FBXL14: variants seen among roughly 807,000 people sequenced by gnomAD.
FBXL14 encodes F-box and leucine rich repeat protein 14.
A neutral mutation model predicts 24.5 loss-of-function variants in FBXL14; 11 were observed. That is an observed-to-expected ratio of 0.45 (90% CI 0.28 to 0.74). The LOEUF is 0.74. Ranked by LOEUF, FBXL14 falls within the 30% of genes least tolerant of loss-of-function variation. The pLI is 0.12. For synonymous variants in FBXL14, 294 were observed against 240.4 expected (o/e 1.22, Z -2.06); for missense variants, 384 against 545.6 (o/e 0.70, Z 2.95).
At chr12:1,592,646 C>A (rs920915706) in intron 1 of FBXL14, among the ~76,000 whole-genome samples, 3 of 152,080 alleles carry the variant, frequency 2.0e-5, no homozygotes, top group Non-Finnish European at 4.4e-5. Flanking sequence ...GGAAAAGGAG[C>A]TGGGAGTAGG....
intron 1 of FBXL14, among the ~76,000 whole-genome samples, chr12:1,589,601 A>ACT (rs1340227658): frequency 9.2e-5 from 14 of 152,276 alleles, no homozygotes; most frequent in African/African-American, 3.1e-4. Context: ...AACAGGGATA[A>ACT]TACCTGTTTC....
intron 1 of FBXL14, among the ~76,000 whole-genome samples, chr12:1,574,400 G>GA (rs2094451419): frequency 1.1e-5 from 1 of 92,064 alleles, no homozygotes; most frequent in African/African-American, 4.4e-5. Flanking sequence ...GCTGGGGTGG[G>GA]GGAGGCTGGC....
chr12:1,574,170 A>G (rs1387287583), intron 1 of FBXL14, among the ~76,000 whole-genome samples: 3 of 152,188 alleles, frequency 2.0e-5, no homozygotes, highest in Non-Finnish European at 4.4e-5. Flanking sequence ...AAGTGAGTGG[A>G]GACTTTGAAA....
intron 1 of FBXL14, among the ~76,000 whole-genome samples, chr12:1,575,321 A>G (rs1008914715): frequency 3.3e-5 from 5 of 152,334 alleles, no homozygotes; most frequent in African/African-American, 9.6e-5. Flanking sequence ...GTCTAAATCT[A>G]TCTCTATCAA....
chr12:1,584,327 G>T (rs1402613093), intron 1 of FBXL14, among the ~76,000 whole-genome samples: 1 of 152,210 alleles, frequency 6.6e-6, no homozygotes, highest in African/African-American at 2.4e-5. Context: ...CTTCAGCCTG[G>T]GTGACAGAGC....
chr12:1,571,315 T>C (rs1157624151), intron 1 of FBXL14, among the ~76,000 whole-genome samples: 3 of 152,176 alleles, frequency 2.0e-5, no homozygotes, highest in African/African-American at 7.2e-5. Context: ...TTCAAGCGAT[T>C]CTCCTGCCTC....
Position 1,566,042 on chromosome 12 carries a change from A to C in FBXL14, c.*706T>G, listed in dbSNP as rs1287073282. 3.9e-5 allele frequency: 6 copies of C among 152,684 alleles called. No individual in the cohort carries two copies. The allele number at this position is 152,684 out of a possible 1,614,324, so 9.5% of individuals were successfully genotyped here. On this transcript the variant is annotated 3_prime_UTR_variant, in exon 2 of 2. Transcript: ENST00000339235. ...TATATTCTACATTGTTCCCATTAAA[A>C]TGGAAACCCCGTGGGGAGAGGAAAT...
chr12:1,594,154 C>CAAG lies in FBXL14; in HGVS notation c.-89_-88insCTT. 1.3e-6 allele frequency: 1 copy of CAAG among 791,570 alleles called. No homozygotes were observed. Among genetic ancestry groups the CAAG allele is most frequent in the Non-Finnish European group, 1.6e-6 (1 of 626,370 alleles). 49.0% of individuals were successfully genotyped at this position (791,570 alleles called of 1,614,324 possible). A position where few individuals can be genotyped will look rare whatever the true frequency, so the allele number is the denominator to read the frequency against. On this transcript the variant is annotated 5_prime_UTR_variant, in exon 1 of 2. Transcript: ENST00000339235. ...GGGCAGGCGACGAGAGCGCTTCTCC[C>CAAG]CAGCCGCCGCCGCCGCCGCCGCCGC...
intron 1 of FBXL14, 108 bp downstream of exon 1, chr12:1,592,765 G>T: frequency 1.0e-6 from 1 of 974,300 alleles, no homozygotes; most frequent in Non-Finnish European, 1.5e-6. Context: ...CATCTCATCC[G>T]CTGCAATGAT....
At chr12:1,590,926 CCA>C (rs942030441) in intron 1 of FBXL14, among the ~76,000 whole-genome samples, 1 of 152,162 alleles carries the variant, frequency 6.6e-6, no homozygotes, top group African/African-American at 2.4e-5. Flanking sequence ...CTCCCCACAC[CCA>C]CTCTCAGGGT....
intron 1 of FBXL14, among the ~76,000 whole-genome samples, chr12:1,584,814 T>C (rs1020505733): frequency 3.9e-5 from 6 of 152,320 alleles, no homozygotes; most frequent in Admixed American, 2.0e-4. Flanking sequence ...ACACACGTAC[T>C]GGCCATCTTG....
At chr12:1,575,721 A>G (rs1424656151) in intron 1 of FBXL14, among the ~76,000 whole-genome samples, 1 of 151,634 alleles carries the variant, frequency 6.6e-6, no homozygotes, top group Non-Finnish European at 1.5e-5. Context: ...GGAGCTTAGG[A>G]AGGCACCTGG....
At chr12:1,573,661 G>A (rs547619164) in intron 1 of FBXL14, among the ~76,000 whole-genome samples, 1 of 152,318 alleles carries the variant, frequency 6.6e-6, no homozygotes, top group East Asian at 1.9e-4. Flanking sequence ...GTCAAACAGA[G>A]AGGGAAGAAC....
At position 1,593,059 on chromosome 12, in the gene FBXL14, G is replaced by A. The variant is rs200417216; in HGVS notation, c.1008C>T (p.Asn336=). 3.7e-6 allele frequency: 6 copies of A among 1,612,734 alleles called. No individual in the cohort carries two copies. Among genetic ancestry groups the A allele is most frequent in the Non-Finnish European group, 4.2e-6 (5 of 1,180,038 alleles). The change falls in exon 1 of 2, where the codon AAC becomes AAT. Residue 336 remains asparagine (N), a synonymous_variant. Transcript: ENST00000339235. This position sits in a 1 kb window ranked among gnomAD's most constrained non-coding sequence, Gnocchi z 7.4. The part of the protein sequence containing the change: ...VRQMHGLRTL[N]IGQCVRITDK... ...CCGTGATGCGCACACACTGTCCAAT[G>A]TTGAGCGTGCGCAGCCCGTGCATCT...
In FBXL14 at chr12:1,594,156, A is replaced by AACC. The variant is rs563440973; in HGVS notation, c.-91_-90insGGT. ...GCAGGCGACGAGAGCGCTTCTCCCC[A>AACC]GCCGCCGCCGCCGCCGCCGCCGCCG... On this transcript the variant is annotated 5_prime_UTR_variant, in exon 1 of 2. Transcript: ENST00000339235. The AACC allele has an allele frequency of 3.4e-5, 19 of 555,692 alleles. No homozygotes were observed. The highest frequency in any genetic ancestry group is 7.6e-5 in the South Asian group (1 of 13,166). 34.4% of individuals were successfully genotyped at this position (555,692 alleles called of 1,614,324 possible).
At position 1,593,871 on chromosome 12, in the gene FBXL14, G is replaced by A; in HGVS notation, c.196C>T (p.Gln66Ter). The A allele has an allele frequency of 6.2e-7, 1 of 1,611,818 alleles. No individual in the cohort carries two copies. Among genetic ancestry groups the A allele is most frequent in the Non-Finnish European group, 8.5e-7 (1 of 1,179,788 alleles). The part of the protein sequence containing the change: ...RANPSLFPSL[Q>*]ARGIRRVQIL... Reference sequence around the variant, plus strand: ...TGCACCCGGCGGATGCCCCGGGCCTGCAGGCTGGGGAACAGCGACGGGTTG... The same window carrying A: ...TGCACCCGGCGGATGCCCCGGGCCTACAGGCTGGGGAACAGCGACGGGTTG... Residue 66 changes from glutamine to a stop codon, truncating the protein, a stop_gained, in exon 1 of 2, where the codon CAG (glutamine) becomes TAG (stop). Coordinates refer to ENST00000339235, the MANE Select transcript of FBXL14 (RefSeq NM_152441.3). LOFTEE classifies it high-confidence loss of function. The surrounding 1 kb of genome is among the most constrained non-coding windows in gnomAD (Gnocchi z 7.4).
chr12:1,571,053 T>G (rs2094444643), intron 1 of FBXL14, among the ~76,000 whole-genome samples: 1 of 152,242 alleles, frequency 6.6e-6, no homozygotes, highest in Non-Finnish European at 1.5e-5. Context: ...AATCGGTCAT[T>G]GCTATGACTG....
At chr12:1,576,423 G>A (rs1022610660) in intron 1 of FBXL14, among the ~76,000 whole-genome samples, 1 of 152,156 alleles carries the variant, frequency 6.6e-6, no homozygotes, top group African/African-American at 2.4e-5. Flanking sequence ...GAGAGACCAC[G>A]AGGGCAGTAA....
rs758087649 is a variant in FBXL14 at position 1,593,284 on chromosome 12, G to A, written c.783C>T (p.Arg261=). 3.1e-6 allele frequency: 5 copies of A among 1,613,006 alleles called. No individual in the cohort carries two copies. The highest frequency in any genetic ancestry group is 3.3e-5 in the Admixed American group (2 of 60,030). Residue 261 remains arginine, a synonymous_variant, in exon 1 of 2, where the codon CGC becomes CGT. Transcript: ENST00000339235. This position sits in a 1 kb window ranked among gnomAD's most constrained non-coding sequence, Gnocchi z 7.4. The part of the protein sequence containing the change: ...HMGSLRSLNL[R]SCDNISDTGI... ...CCGTGTCACTGATGTTGTCACAGGAGCGCAGGTTGAGGCTGCGCAGGCTGC... is the reference window on the plus strand; with the variant it reads ...CCGTGTCACTGATGTTGTCACAGGAACGCAGGTTGAGGCTGCGCAGGCTGC...
Sources: gnomAD v4.1 joint callset for allele counts (sites outside exome capture counted in the v4.1 genomes callset) on GRCh38, gnomAD v4.1.1 for gene constraint, Gnocchi (gnomAD v3.1) non-coding constraint, MANE v1.5 for transcripts, NCBI Gene and HGNC (gene_info 2026-07-23, HGNC 2026-07-21) for gene names.